NDUFAF6: variants seen among roughly 807,000 people sequenced by gnomAD.
NDUFAF6 encodes the protein NADH dehydrogenase (ubiquinone) complex I, assembly factor 6.
A neutral mutation model predicts 40.8 loss-of-function variants in NDUFAF6; 45 were observed. That is an observed-to-expected ratio of 1.10 (90% CI 0.87 to 1.42). The LOEUF (loss-of-function observed/expected upper bound fraction) is 1.42. Among genes scored for constraint, NDUFAF6 ranks in the 40% most tolerant of loss-of-function variants. The pLI, the probability that NDUFAF6 is intolerant of heterozygous loss-of-function variation, is 0.00. For synonymous variants in NDUFAF6, 185 were observed against 155.9 expected (o/e 1.19, Z -1.39); for missense variants, 435 against 418.5 (o/e 1.04, Z -0.34).
At chr8:95,077,574 A>G (rs1996500), downstream of NDUFAF6, among the ~76,000 whole-genome samples, 87,845 of 151,938 alleles carry the variant, frequency 0.58, 25,653 homozygotes, top group East Asian at 0.77. Flanking sequence ...AAAACTTACA[A>G]AGTCTTTATG....
chr8:95,059,658 G>T (rs911283720), downstream of NDUFAF6, among the ~76,000 whole-genome samples: 1 of 152,094 alleles, frequency 6.6e-6, no homozygotes, highest in Non-Finnish European at 1.5e-5. Flanking sequence ...AGACCAGCCT[G>T]GCCAACATGG....
intron 1 of NDUFAF6, among the ~76,000 whole-genome samples, chr8:94,973,235 G>A (rs1824618964): frequency 1.3e-5 from 2 of 152,090 alleles, no homozygotes; most frequent in South Asian, 2.1e-4. Flanking sequence ...TAATTTCACT[G>A]TGTCTCAGTA....
chr8:95,095,577 G>T (rs1409895182), upstream of NDUFAF6, among the ~76,000 whole-genome samples: 3 of 151,928 alleles, frequency 2.0e-5, no homozygotes, highest in Admixed American at 6.6e-5. Context: ...TTGCTCCTCA[G>T]TCTCTCCTAA....
At chr8:94,946,622 A>G (rs527271562) in intron 2 of NDUFAF6, among the ~76,000 whole-genome samples, 1 of 143,902 alleles carries the variant, frequency 6.9e-6, no homozygotes, top group South Asian at 2.3e-4. Flanking sequence ...GCTTGAGCCC[A>G]TGAGTTTGAA....
intron 1 of NDUFAF6, among the ~76,000 whole-genome samples, chr8:94,905,552 AG>A (rs1241479697): frequency 3.3e-5 from 5 of 152,058 alleles, no homozygotes; most frequent in Non-Finnish European, 5.9e-5. Flanking sequence ...ACAAGCCCAG[AG>A]CTTCCCTGGT....
intron 2 of NDUFAF6, among the ~76,000 whole-genome samples, chr8:95,019,056 G>C (rs1156779160): frequency 6.6e-6 from 1 of 152,176 alleles, no homozygotes; most frequent in East Asian, 1.9e-4. Context: ...CTAGACCCTG[G>C]CTGGAGTGCG....
chr8:95,089,167 C>T (rs1374353665), intron 2 of NDUFAF6, among the ~76,000 whole-genome samples: 1 of 151,948 alleles, frequency 6.6e-6, no homozygotes, highest in Non-Finnish European at 1.5e-5. Context: ...CTCAAGCCAT[C>T]CTCCTACCTC....
chr8:94,945,623 A>T lies in NDUFAF6; in HGVS notation c.-799+4A>T, dbSNP rs1298421394. On this transcript the variant is annotated splice_donor_region_variant and intron_variant, in intron 2 of 14. Transcript: ENST00000396113. ...ACTGGGCTGGTTCTACATGGAGGTAAATGGAAAAGTAGAGCTTTAGACTCC... is the reference window on the plus strand; with the variant it reads ...ACTGGGCTGGTTCTACATGGAGGTATATGGAAAAGTAGAGCTTTAGACTCC... 3 of 152,340 alleles carry T rather than the reference A, an allele frequency of 2.0e-5. No individual in the cohort carries two copies. The East Asian group carries it at 5.8e-4, about 29-fold the overall frequency. The allele number at this position is 152,340 out of a possible 1,614,324, so 9.4% of individuals were successfully genotyped here. A position where few individuals can be genotyped will look rare whatever the true frequency, so the allele number is the denominator to read the frequency against.
intron 2 of NDUFAF6, among the ~76,000 whole-genome samples, chr8:95,101,622 C>T (rs999842201): frequency 2.0e-5 from 3 of 152,202 alleles, no homozygotes; most frequent in Admixed American, 6.5e-5. Flanking sequence ...TGCACCCTAA[C>T]GTTGAAATTC....
intron 4 of NDUFAF6, among the ~76,000 whole-genome samples, chr8:95,114,163 A>AAAGCAAAC (rs1554693679): frequency 6.6e-6 from 1 of 151,386 alleles, no homozygotes; most frequent in Non-Finnish European, 1.5e-5. Flanking sequence ...TAATAATAAT[A>AAAGCAAAC]AAACAAACAA....
intron 2 of NDUFAF6, among the ~76,000 whole-genome samples, chr8:95,011,922 C>T (rs185073944): frequency 4.6e-5 from 7 of 152,154 alleles, no homozygotes; most frequent in African/African-American, 1.4e-4. Flanking sequence ...CTTTCCTGTA[C>T]TGAAATTCTG....
intron 7 of NDUFAF6, among the ~76,000 whole-genome samples, chr8:95,050,575 CAT>C (rs1831313998): frequency 6.6e-6 from 1 of 152,170 alleles, no homozygotes; most frequent in Admixed American, 6.5e-5. Flanking sequence ...AATGAGTTAA[CAT>C]ATATGAAGAG....
intron 2 of NDUFAF6, among the ~76,000 whole-genome samples, chr8:95,013,422 T>C (rs1195064276): frequency 2.0e-5 from 3 of 152,248 alleles, no homozygotes; most frequent in African/African-American, 4.8e-5. Flanking sequence ...AGATTTTGCA[T>C]TGATCTCCAC....
Position 94,997,343 on chromosome 8 carries a change from C to CACACACACACAG in NDUFAF6, c.-84+16371_-84+16372insCACACACACAGA, listed in dbSNP as rs1242904810. Among the ~76,000 whole-genome samples the CACACACACACAG allele has an allele frequency of 1.3e-3, 121 of 90,564 alleles. 2 individuals carry two copies. The highest frequency in any genetic ancestry group is 9.4e-3 in the Admixed American group (61 of 6,462). 59.4% of individuals were successfully genotyped at this position (90,564 alleles called of 152,430 possible). On this transcript the variant is annotated intron_variant, in intron 2 of 9. Transcript: ENST00000396111. ...ACACACACACACACACACACACACA[C>CACACACACACAG]AGAGAGAGAGAGAGAGAGAGAGACA...
chr8:94,983,256 C>CTTTTTTTT (rs1173077785), intron 2 of NDUFAF6, among the ~76,000 whole-genome samples: 2 of 83,184 alleles, frequency 2.4e-5, no homozygotes, highest in African/African-American at 4.8e-5. Context: ...CTTTGCTATT[C>CTTTTTTTT]TTTTTTTTTT....
intron 2 of NDUFAF6, among the ~76,000 whole-genome samples, chr8:95,088,819 G>A (rs1283477122): frequency 6.6e-6 from 1 of 151,818 alleles, no homozygotes; most frequent in African/African-American, 2.4e-5. Context: ...GGAGTGCAGT[G>A]GCGCCATCTC....
At chr8:94,897,706 C>CTTTTTTTTTTTTTTTTTTTTTTT (rs11432186) in intron 1 of NDUFAF6, among the ~76,000 whole-genome samples, 1 of 131,944 alleles carries the variant, frequency 7.6e-6, no homozygotes, top group Non-Finnish European at 1.6e-5. Flanking sequence ...TATTCTGTGC[C>CTTTTTTTTTTTTTTTTTTTTTTT]TTTTTTTTTT....
At chr8:95,090,189 G>T (rs928866601) in intron 2 of NDUFAF6, among the ~76,000 whole-genome samples, 1 of 152,134 alleles carries the variant, frequency 6.6e-6, no homozygotes, top group South Asian at 2.1e-4. Flanking sequence ...CACCGGTTGT[G>T]GGGAGAACCC....
At chr8:95,076,970 C>T (rs11778995), downstream of NDUFAF6, among the ~76,000 whole-genome samples, 40,206 of 151,776 alleles carry the variant, frequency 0.26, 5,301 homozygotes, top group Middle Eastern at 0.36. Context: ...GGAGACAGGG[C>T]CTTTAAAGAA....
Sources: allele counts gnomAD v4.1 joint callset (sites outside exome capture counted in the v4.1 genomes callset), GRCh38; gene constraint gnomAD v4.1.1; transcripts MANE v1.5; gene names NCBI Gene and HGNC (gene_info 2026-07-23, HGNC 2026-07-21).